ASIC2: variants seen among roughly 807,000 people sequenced by gnomAD.
ASIC2 encodes acid-sensing ion channel 2.
A neutral mutation model predicts 57.3 loss-of-function variants in ASIC2; 25 were observed. The ratio of observed to expected loss-of-function variants is 0.44; its 90% confidence interval spans 0.32 to 0.61. The LOEUF (loss-of-function observed/expected upper bound fraction) is 0.61. ASIC2 is among the 20% of genes least tolerant of loss of function. The probability of loss-of-function intolerance (pLI) is 0.06; values close to 1 mark genes in which losing one functional copy is unlikely to be tolerated. For synonymous variants in ASIC2, 319 were observed against 307.5 expected (o/e 1.04, Z -0.39); for missense variants, 641 against 738.1 (o/e 0.87, Z 1.52).
Position 33,689,630 on chromosome 17 carries a change from T to C in ASIC2, c.555+466348A>G, listed in dbSNP as rs544373195. Among the ~76,000 whole-genome samples, 143 of 152,208 alleles carry C rather than the reference T, an allele frequency of 9.4e-4. 1 individual carries two copies. The highest frequency in any genetic ancestry group is 3.1e-4 in the Non-Finnish European group (21 of 68,018). On this transcript the variant is annotated intron_variant, in intron 1 of 9. Transcript: ENST00000359872. ...GATGATTCCCCCTCACCCCAGACAATATGCCATGTCCAGATCCCTGCAGCC... is the reference window on the plus strand; with the variant it reads ...GATGATTCCCCCTCACCCCAGACAACATGCCATGTCCAGATCCCTGCAGCC...
At chr17:34,080,564 A>G (rs1018125331) in intron 1 of ASIC2, among the ~76,000 whole-genome samples, 1 of 152,212 alleles carries the variant, frequency 6.6e-6, no homozygotes, top group Non-Finnish European at 1.5e-5. Flanking sequence ...GGCTCACAAA[A>G]GAACATTAGC....
At chr17:33,026,072 G>A (rs977610356) in intron 4 of ASIC2, 90 bp from the exon 5 acceptor site, 14 of 1,448,608 alleles carry the variant, frequency 9.7e-6, no homozygotes, top group Non-Finnish European at 1.3e-5. Flanking sequence ...GGAAAGGGGT[G>A]CCTCCTGGCA....
intron 1 of ASIC2, among the ~76,000 whole-genome samples, chr17:33,531,452 C>T (rs751697848): frequency 4.4e-4 from 67 of 152,140 alleles, no homozygotes; most frequent in Non-Finnish European, 6.0e-4. Flanking sequence ...TCTTGAGAGG[C>T]GTTCGACCTT....
chr17:33,558,926 C>G (rs1173261733), intron 1 of ASIC2, among the ~76,000 whole-genome samples: 1 of 152,090 alleles, frequency 6.6e-6, no homozygotes, highest in East Asian at 1.9e-4. Context: ...CACCACCACG[C>G]CCGATTAAGT....
chr17:33,681,128 T>A (rs1366520715), intron 1 of ASIC2, among the ~76,000 whole-genome samples: 1 of 152,242 alleles, frequency 6.6e-6, no homozygotes, highest in Admixed American at 6.5e-5. Context: ...CCCAGTTGAA[T>A]GCATTTTGTT....
At chr17:33,446,853 G>A (rs1298055347) in intron 1 of ASIC2, among the ~76,000 whole-genome samples, 2 of 152,166 alleles carry the variant, frequency 1.3e-5, no homozygotes, top group African/African-American at 4.8e-5. Flanking sequence ...TCGTGGCATG[G>A]TCTTGAAGAA....
chr17:33,570,262 A>AGACTATTG (rs1444514009), intron 1 of ASIC2, among the ~76,000 whole-genome samples: 1 of 152,186 alleles, frequency 6.6e-6, no homozygotes, highest in African/African-American at 2.4e-5. Context: ...GTCCTAGTAA[A>AGACTATTG]GACTATTGCC....
At position 33,445,854 on chromosome 17, in the gene ASIC2, G is replaced by A. The variant is rs114018077; in HGVS notation, c.556-333787C>T. ...GATCTATTCTGTCATTTGGAGTTGT[G>A]GTTCAAACAAAACTACTGTATGTGA... On this transcript the variant is annotated intron_variant, in intron 1 of 9. Coordinates refer to the ASIC2 transcript ENST00000359872. Among the ~76,000 whole-genome samples the A allele has an allele frequency of 2.5e-3, 372 of 151,000 alleles. 2 individuals carry two copies. Among genetic ancestry groups the A allele is most frequent in the African/African-American group, 8.7e-3 (357 of 41,134 alleles).
chr17:33,963,683 T>C (rs1460364401), intron 1 of ASIC2, among the ~76,000 whole-genome samples: 1 of 152,092 alleles, frequency 6.6e-6, no homozygotes, highest in Non-Finnish European at 1.5e-5. Context: ...ATTGTCATAA[T>C]TTTATTGTTG....
chr17:33,771,127 A>G (rs1911092042), intron 1 of ASIC2, among the ~76,000 whole-genome samples: 1 of 152,180 alleles, frequency 6.6e-6, no homozygotes, highest in South Asian at 2.1e-4. Context: ...GTAACTTACT[A>G]TGGCAATTGT....
intron 1 of ASIC2, among the ~76,000 whole-genome samples, chr17:33,675,037 A>G (rs1907773737): frequency 6.6e-6 from 1 of 152,236 alleles, no homozygotes; most frequent in Admixed American, 6.5e-5. Flanking sequence ...TTTGGACACA[A>G]TAGTTACACA....
intron 1 of ASIC2, among the ~76,000 whole-genome samples, chr17:33,724,847 C>CACACAT (rs1247398091): frequency 6.6e-6 from 1 of 152,090 alleles, no homozygotes; most frequent in Admixed American, 6.5e-5. Flanking sequence ...CACACACACA[C>CACACAT]ACACATACAC....
intron 1 of ASIC2, among the ~76,000 whole-genome samples, chr17:33,592,122 GA>G (rs1439809228): frequency 6.6e-6 from 1 of 152,168 alleles, no homozygotes. Flanking sequence ...GCGCACTGAG[GA>G]CACACCAGCA....
chr17:33,589,003 T>A (rs1904739275), intron 1 of ASIC2, among the ~76,000 whole-genome samples: 1 of 152,238 alleles, frequency 6.6e-6, no homozygotes, highest in Non-Finnish European at 1.5e-5. Flanking sequence ...ATCCAACCAA[T>A]CACCACTGGG....
chr17:33,640,158 A>G (rs1288237013), intron 1 of ASIC2, among the ~76,000 whole-genome samples: 6 of 152,024 alleles, frequency 3.9e-5, no homozygotes, highest in Non-Finnish European at 8.8e-5. Context: ...CTACATAATA[A>G]AGATCTAAGA....
intron 1 of ASIC2, among the ~76,000 whole-genome samples, chr17:33,423,441 T>C (rs1480546496): frequency 6.6e-6 from 1 of 152,216 alleles, no homozygotes; most frequent in East Asian, 1.9e-4. Flanking sequence ...CATAGAAATG[T>C]CATAAGGGTG....
intron 1 of ASIC2, among the ~76,000 whole-genome samples, chr17:34,131,389 C>T (rs1453048202): frequency 6.6e-6 from 1 of 152,168 alleles, no homozygotes; most frequent in Non-Finnish European, 1.5e-5. Context: ...GCCAGCCCCC[C>T]AAGCTCCACT....
chr17:33,153,584 G>C (rs1466210024), intron 1 of ASIC2, among the ~76,000 whole-genome samples: 1 of 152,162 alleles, frequency 6.6e-6, no homozygotes, highest in Non-Finnish European at 1.5e-5. Context: ...CTACTATTTT[G>C]ACGACAGTTT....
At chr17:33,344,516 G>A (rs958273154) in intron 1 of ASIC2, among the ~76,000 whole-genome samples, 4 of 152,096 alleles carry the variant, frequency 2.6e-5, no homozygotes, top group Non-Finnish European at 4.4e-5. Context: ...ATCCTGACCT[G>A]GCCACTTACC....
Sources: allele counts gnomAD v4.1 joint callset (sites outside exome capture counted in the v4.1 genomes callset), GRCh38; gene constraint gnomAD v4.1.1; transcripts MANE v1.5; gene names NCBI Gene and HGNC (gene_info 2026-07-23, HGNC 2026-07-21).